The following IQGAP2 variants were observed in gnomAD, a reference collection of about 807,000 sequenced individuals.
IQGAP2 encodes the protein ras GTPase-activating-like protein IQGAP2.
A neutral mutation model predicts 201.3 loss-of-function variants in IQGAP2; 173 were observed. The observed-to-expected ratio is 0.86, with a 90% CI of 0.76 to 0.98. The LOEUF is 0.98. IQGAP2 is among the 50% of genes least tolerant of loss of function. The pLI is 0.00. For synonymous variants in IQGAP2, 675 were observed against 673.9 expected (o/e 1.00, Z -0.03); for missense variants, 1,687 against 1,864.8 (o/e 0.90, Z 1.76).
rs2150323290 is a variant in IQGAP2, at chr5:76,601,121, G to A, written c.1232+149G>A. 1.2e-5 allele frequency: 8 copies of A among 675,386 alleles called. No homozygotes were observed. The South Asian group carries it at 1.5e-4, about 13-fold the overall frequency. The allele number at this position is 675,386 out of a possible 1,614,324, so 41.8% of individuals were successfully genotyped here. On this transcript the variant is annotated intron_variant, in intron 11 of 35. Transcript: ENST00000274364. ...TCTGTTTTAAGAGTCCTTCTAATTA[G>A]TATCCTTGTTTACAGTATTCCTTCT...
chr5:76,690,986 T>C (rs1746210802), intron 30 of IQGAP2, among the ~76,000 whole-genome samples: 1 of 152,230 alleles, frequency 6.6e-6, no homozygotes, highest in Non-Finnish European at 1.5e-5. Flanking sequence ...GAGATTCCTG[T>C]TTTATAAACG....
At chr5:76,546,557 C>T (rs1046344198) in intron 2 of IQGAP2, among the ~76,000 whole-genome samples, 2 of 152,186 alleles carry the variant, frequency 1.3e-5, no homozygotes, top group East Asian at 1.9e-4. Context: ...CCTGTTATGT[C>T]GTCAGAATGA....
intron 2 of IQGAP2, among the ~76,000 whole-genome samples, chr5:76,533,540 A>AT (rs933049260): frequency 7.1e-5 from 3 of 42,276 alleles, no homozygotes; most frequent in Non-Finnish European, 9.3e-5. Context: ...ATATATATAT[A>AT]TTTTTTTATT....
intron 2 of IQGAP2, among the ~76,000 whole-genome samples, chr5:76,485,467 C>T (rs1756068641): frequency 6.6e-6 from 1 of 152,200 alleles, no homozygotes; most frequent in Non-Finnish European, 1.5e-5. Flanking sequence ...AACCTTTTTT[C>T]CCCCCTTGGT....
At chr5:76,536,726 C>G (rs1189461111) in intron 2 of IQGAP2, among the ~76,000 whole-genome samples, 1 of 150,776 alleles carries the variant, frequency 6.6e-6, no homozygotes, top group African/African-American at 2.4e-5. Flanking sequence ...TGCCATTGCA[C>G]TCCAGCTTGG....
chr5:76,460,675 T>C (rs1450771841), intron 1 of IQGAP2, among the ~76,000 whole-genome samples: 1 of 152,102 alleles, frequency 6.6e-6, no homozygotes, highest in Non-Finnish European at 1.5e-5. Flanking sequence ...GGACTGAGTT[T>C]ATTAAAGAAA....
At chr5:76,622,031 A>G (rs990818583) in intron 13 of IQGAP2, among the ~76,000 whole-genome samples, 7 of 152,170 alleles carry the variant, frequency 4.6e-5, no homozygotes, top group Non-Finnish European at 7.3e-5. Context: ...CCATGGCTTC[A>G]GGCTGCTAAA....
chr5:76,428,679 C>T lies in IQGAP2; in HGVS notation c.46+25088C>T, dbSNP rs541167156. Among the ~76,000 whole-genome samples the T allele has an allele frequency of 4.0e-4, 60 of 151,462 alleles. No homozygotes were observed. In the South Asian group the frequency reaches 0.01, roughly 26 times the overall value. On this transcript the variant is annotated intron_variant, in intron 1 of 35. Transcript: ENST00000274364. The stretch of plus-strand genomic sequence containing the variant: ...AACTCCTGACCTCAAGTGATCCACC[C>T]GTCTCAGCCTCCCAAAGTGCTGGGA...
chr5:76,435,902 C>T (rs1215715792), intron 1 of IQGAP2, among the ~76,000 whole-genome samples: 2 of 151,968 alleles, frequency 1.3e-5, no homozygotes, highest in Non-Finnish European at 2.9e-5. Context: ...TCTTTCACCT[C>T]CTTAGTTAAC....
chr5:76,561,491 C>T (rs17748228), intron 2 of IQGAP2, among the ~76,000 whole-genome samples: 2,981 of 152,268 alleles, frequency 0.02, 129 homozygotes, highest in East Asian at 0.17. Flanking sequence ...ATATGGTGCT[C>T]ACGCTAATAG....
chr5:76,607,597 C>A (rs1210131392), intron 12 of IQGAP2: 1 of 152,206 alleles, frequency 6.6e-6, no homozygotes, highest in African/African-American at 2.4e-5. Context: ...CCACTTAGCT[C>A]TTTTCTGATA....
chr5:76,593,927 T>A (rs4704341), intron 9 of IQGAP2, among the ~76,000 whole-genome samples: 25,262 of 152,168 alleles, frequency 0.17, 2,254 homozygotes, highest in Admixed American at 0.28. Flanking sequence ...AGAAATATCC[T>A]AAGGGGCTCA....
In IQGAP2 at chr5:76,627,428, A is replaced by C. The variant is rs757459842; in HGVS notation, c.1540A>C (p.Lys514Gln). 1 of 1,602,036 alleles carries C rather than the reference A, an allele frequency of 6.2e-7. No individual in the cohort carries two copies. Among genetic ancestry groups the C allele is most frequent in the Non-Finnish European group, 8.6e-7 (1 of 1,169,014 alleles). ...TCCCCAGGACTCTGAGAGTGTTTCC[A>C]AAGTGCTTTGGCTGGATGAGATACA... The part of the protein sequence containing the change: ...QKLGDSESVS[K>Q]VLWLDEIQQA... Residue 514 changes from lysine (K) to glutamine (Q), a missense_variant, in exon 14 of 36, where the codon AAA (lysine) becomes CAA (glutamine). Physicochemically the swap from Lys to Gln is moderately conservative, Grantham distance 53. Transcript: ENST00000274364.
At chr5:76,471,376 A>AAACAAC (rs1554059004) in intron 2 of IQGAP2, among the ~76,000 whole-genome samples, 40 of 144,874 alleles carry the variant, frequency 2.8e-4, no homozygotes, top group Middle Eastern at 7.1e-3. Flanking sequence ...AAAAAAAAAA[A>AAACAAC]AAAAAAAAAA....
At chr5:76,613,599 G>A (rs1168883134) in intron 13 of IQGAP2, among the ~76,000 whole-genome samples, 1 of 152,110 alleles carries the variant, frequency 6.6e-6, no homozygotes, top group Non-Finnish European at 1.5e-5. Flanking sequence ...TTAGCATGGA[G>A]CCTGGCACCA....
intron 2 of IQGAP2, among the ~76,000 whole-genome samples, chr5:76,488,725 G>A (rs1756329939): frequency 1.3e-5 from 2 of 152,186 alleles, no homozygotes; most frequent in Admixed American, 1.3e-4. Flanking sequence ...AGAGGTTGTA[G>A]GTTTGCCCTT....
intron 2 of IQGAP2, among the ~76,000 whole-genome samples, chr5:76,517,577 C>T (rs1758403509): frequency 6.7e-6 from 1 of 149,610 alleles, no homozygotes; most frequent in African/African-American, 2.5e-5. Context: ...TGCACACTAG[C>T]CTGGGTGACA....
At chr5:76,685,693 C>G (rs541074270) in intron 30 of IQGAP2, among the ~76,000 whole-genome samples, 1,391 of 124,992 alleles carry the variant, frequency 0.011, 14 homozygotes, top group Non-Finnish European at 0.017. Context: ...TGGCTCTCCC[C>G]CGTCCCCCCC....
chr5:76,550,700 C>T (rs1743404464), intron 2 of IQGAP2, among the ~76,000 whole-genome samples: 2 of 152,222 alleles, frequency 1.3e-5, no homozygotes, highest in African/African-American at 4.8e-5. Context: ...GATCACAAGG[C>T]AGAAGAATTT....
Sources: gnomAD v4.1 joint callset for allele counts (sites outside exome capture counted in the v4.1 genomes callset) on GRCh38, gnomAD v4.1.1 for gene constraint, MANE v1.5 for transcripts, NCBI Gene and HGNC (gene_info 2026-07-23, HGNC 2026-07-21) for gene names.